Variants in TASP1 observed in about 807,000 individuals in gnomAD.
TASP1 encodes threonine aspartase 1.
TASP1 carries 16 observed loss-of-function variants against 56.6 expected under a neutral mutation model. The ratio of observed to expected loss-of-function variants is 0.28; its 90% CI spans 0.19 to 0.43. TASP1 has a LOEUF of 0.43. TASP1 is among the 20% of genes least tolerant of loss of function. The pLI, the probability that TASP1 is intolerant of heterozygous loss-of-function variation, is 1.00. For missense variants in TASP1, 393 were observed against 511.6 expected (o/e 0.77, Z 2.24); for synonymous variants, 179 against 184.2 (o/e 0.97, Z 0.23).
At chr20:13,490,321 C>T (rs910695336) in intron 10 of TASP1, among the ~76,000 whole-genome samples, 1 of 152,124 alleles carries the variant, frequency 6.6e-6, no homozygotes, top group Non-Finnish European at 1.5e-5. Flanking sequence ...CACCTTTTAT[C>T]CATCTAAAGA....
At chr20:13,347,841 C>CAAA in the TASP1 span, among the ~76,000 whole-genome samples, 61 of 101,828 alleles carry the variant, frequency 6.0e-4, no homozygotes, top group African/African-American at 2.0e-3. Flanking sequence ...GACTTTGTCT[C>CAAA]AAAAAAAAAA....
At chr20:13,407,905 T>A (rs966876741) in intron 13 of TASP1, among the ~76,000 whole-genome samples, 19 of 152,224 alleles carry the variant, frequency 1.2e-4, no homozygotes, top group Non-Finnish European at 2.8e-4. Flanking sequence ...TCAGATCTCA[T>A]GCCCATTTTA....
chr20:13,182,222 A>G, the TASP1 span, among the ~76,000 whole-genome samples: 1 of 152,126 alleles, frequency 6.6e-6, no homozygotes, highest in East Asian at 1.9e-4. Context: ...TTCATCTTAA[A>G]AATCCCCACT....
intron 11 of TASP1, among the ~76,000 whole-genome samples, chr20:13,449,890 T>C (rs912008379): frequency 2.0e-5 from 3 of 152,116 alleles, no homozygotes; most frequent in Non-Finnish European, 2.9e-5. Flanking sequence ...TAGAAAGCTA[T>C]AATTCAATTG....
rs191740274 is a variant in TASP1, at chr20:13,512,630, C to T, written c.874+15803G>A. On this transcript the variant is annotated intron_variant, in intron 10 of 13. Coordinates refer to ENST00000337743, the MANE Select transcript of TASP1 (RefSeq NM_017714.3). ...ATTAGATCCCATTTGTCAATTTTGG[C>T]TTTTGTTGCCATTGCTTTTGGTATA... Among the ~76,000 whole-genome samples, 143 of 152,240 alleles carry T rather than the reference C, an allele frequency of 9.4e-4. 3 individuals carry two copies. In the East Asian group the frequency reaches 0.025, roughly 27 times the overall value.
intron 4 of TASP1, among the ~76,000 whole-genome samples, chr20:13,594,145 G>C (rs1340726720): frequency 6.6e-6 from 1 of 152,208 alleles, no homozygotes; most frequent in African/African-American, 2.4e-5. Flanking sequence ...ATGACTGTTA[G>C]AAGGAAAACT....
the TASP1 span, among the ~76,000 whole-genome samples, chr20:13,152,398 T>C: frequency 2.6e-5 from 4 of 152,252 alleles, no homozygotes; most frequent in East Asian, 5.8e-4. Flanking sequence ...CATTTGGTTA[T>C]AAGAGGCAGA....
rs180975040 is a variant in TASP1 at position 13,576,056 on chromosome 20, G to A, written c.488+4841C>T. On this transcript the variant is annotated intron_variant, in intron 6 of 13. Transcript: ENST00000337743. ...TCCTCTACTAAAAATACAAAAATTA[G>A]CAGGGCATGGTGGTGCATGCCTGTA... 8.9e-3 allele frequency among the ~76,000 whole-genome samples: 1,359 copies of A among 151,920 alleles called. 31 individuals carry two copies. Among genetic ancestry groups the A allele is most frequent in the African/African-American group, 0.031 (1,276 of 41,408 alleles).
chr20:13,556,071 A>C (rs1229910658), intron 8 of TASP1, among the ~76,000 whole-genome samples: 1 of 152,086 alleles, frequency 6.6e-6, no homozygotes, highest in African/African-American at 2.4e-5. Context: ...TGGGTTAAGA[A>C]AGTTACTGAT....
the TASP1 span, among the ~76,000 whole-genome samples, chr20:13,249,621 T>C: frequency 6.6e-6 from 1 of 152,120 alleles, no homozygotes; most frequent in South Asian, 2.1e-4. Context: ...AGTCATAAAG[T>C]TGGTTTTAAT....
chr20:13,212,712 C>A, the TASP1 span, among the ~76,000 whole-genome samples: 2 of 152,080 alleles, frequency 1.3e-5, no homozygotes, highest in Non-Finnish European at 2.9e-5. Flanking sequence ...TCAAGTTAGA[C>A]CCCAGGTAAA....
chr20:13,608,525 C>G (rs564695758), intron 4 of TASP1, among the ~76,000 whole-genome samples: 10 of 152,210 alleles, frequency 6.6e-5, no homozygotes, highest in Non-Finnish European at 1.3e-4. Flanking sequence ...CTGAGCTCTG[C>G]CACTGTAGCA....
chr20:13,593,871 A>T (rs1411995365), intron 4 of TASP1, among the ~76,000 whole-genome samples: 1 of 152,218 alleles, frequency 6.6e-6, no homozygotes, highest in Non-Finnish European at 1.5e-5. Context: ...ATTTCATTTC[A>T]GCTCTGAGAA....
At chr20:13,246,482 T>C in the TASP1 span, among the ~76,000 whole-genome samples, 2 of 152,188 alleles carry the variant, frequency 1.3e-5, no homozygotes, top group African/African-American at 4.8e-5. Context: ...TCCTCTGTTA[T>C]ACCCATGGCA....
chr20:13,116,531 AT>A, the TASP1 span, among the ~76,000 whole-genome samples: 4 of 151,920 alleles, frequency 2.6e-5, no homozygotes, highest in African/African-American at 9.7e-5. Flanking sequence ...CATAGACTAC[AT>A]TTTTTTCCCT....
chr20:13,230,155 C>T, the TASP1 span, among the ~76,000 whole-genome samples: 1 of 152,106 alleles, frequency 6.6e-6, no homozygotes, highest in African/African-American at 2.4e-5. Context: ...GGTTTTAATG[C>T]CTCCAAAGCA....
chr20:13,373,561 C>T, the TASP1 span, among the ~76,000 whole-genome samples: 10 of 151,534 alleles, frequency 6.6e-5, no homozygotes, highest in South Asian at 1.9e-3. Flanking sequence ...TATTTCAGCA[C>T]TTTGAATGTG....
chr20:13,309,124 A>G, the TASP1 span, among the ~76,000 whole-genome samples: 1 of 152,214 alleles, frequency 6.6e-6, no homozygotes, highest in South Asian at 2.1e-4. Flanking sequence ...TAAAACTCAC[A>G]ATGCAAGGCT....
chr20:13,635,540 C>A (rs1048268913), intron 1 of TASP1, among the ~76,000 whole-genome samples: 3 of 151,872 alleles, frequency 2.0e-5, no homozygotes, highest in South Asian at 2.1e-4. Flanking sequence ...GGCACGCACC[C>A]CCATGCCTGG....
Sources: allele counts gnomAD v4.1 joint callset (sites outside exome capture counted in the v4.1 genomes callset), GRCh38; gene constraint gnomAD v4.1.1; transcripts MANE v1.5; gene names NCBI Gene and HGNC (gene_info 2026-07-23, HGNC 2026-07-21).